Variants in GRID2 observed in about 807,000 individuals in gnomAD.
The protein encoded by GRID2 is glutamate receptor ionotropic, delta-2.
A neutral mutation model predicts 114.8 loss-of-function variants in GRID2; 33 were observed. The observed-to-expected ratio is 0.29, with a 90% confidence interval of 0.22 to 0.38. The LOEUF (loss-of-function observed/expected upper bound fraction) is 0.38. Among genes scored for constraint, GRID2 ranks in the 10% least tolerant of loss-of-function variants. The probability of loss-of-function intolerance (pLI) is 1.00; values close to 1 mark genes in which losing one functional copy is unlikely to be tolerated. For synonymous variants in GRID2, 505 were observed against 449.9 expected (o/e 1.12, Z -1.55); for missense variants, 1,184 against 1,257.7 (o/e 0.94, Z 0.89).
At chr4:92,640,508 CAATT>C (rs1553911127) in intron 2 of GRID2, among the ~76,000 whole-genome samples, 1 of 151,716 alleles carries the variant, frequency 6.6e-6, no homozygotes, top group South Asian at 2.1e-4. Flanking sequence ...AGTTTGGAAA[CAATT>C]AACAGCTAAA....
At chr4:92,728,428 T>A (rs1173880904) in intron 2 of GRID2, among the ~76,000 whole-genome samples, 1 of 152,080 alleles carries the variant, frequency 6.6e-6, no homozygotes, top group Non-Finnish European at 1.5e-5. Context: ...AAATTGGAGA[T>A]CTACTTGTAA....
At chr4:93,567,792 C>G (rs529882975) in intron 13 of GRID2, among the ~76,000 whole-genome samples, 1 of 152,256 alleles carries the variant, frequency 6.6e-6, no homozygotes, top group East Asian at 1.9e-4. Context: ...CTGCCATGCT[C>G]CCAGCCTTGT....
In GRID2 at chr4:93,179,264, G is replaced by T. The variant is rs532241764; in HGVS notation, c.736-28140G>T. ...GGACAGCACAGCAATTGCAGCCAGG[G>T]TAGATGGGAGTGAAAGCTAGTATAT... On this transcript the variant is annotated intron_variant, in intron 4 of 15. Transcript: ENST00000282020. 2.0e-5 allele frequency among the ~76,000 whole-genome samples: 3 copies of T among 152,286 alleles called. No individual in the cohort carries two copies. The South Asian group carries it at 6.2e-4, about 32-fold the overall frequency.
At chr4:93,365,145 A>G (rs1762220365) in intron 8 of GRID2, among the ~76,000 whole-genome samples, 1 of 152,168 alleles carries the variant, frequency 6.6e-6, no homozygotes, top group Non-Finnish European at 1.5e-5. Flanking sequence ...TATTGAATGC[A>G]GCCAGAATTT....
chr4:93,718,295 A>G (rs1473706337), intron 14 of GRID2, among the ~76,000 whole-genome samples: 1 of 152,232 alleles, frequency 6.6e-6, no homozygotes, highest in African/African-American at 2.4e-5. Context: ...GACATGAGGA[A>G]GGAAGAGACA....
At chr4:93,373,032 A>T (rs898512694) in intron 8 of GRID2, among the ~76,000 whole-genome samples, 1 of 152,120 alleles carries the variant, frequency 6.6e-6, no homozygotes, top group Non-Finnish European at 1.5e-5. Context: ...GTTCACTTTA[A>T]AAGTCTCAGT....
chr4:93,306,819 C>T (rs6813949), intron 8 of GRID2, among the ~76,000 whole-genome samples: 22,209 of 152,088 alleles, frequency 0.15, 2,273 homozygotes, highest in East Asian at 0.28. Flanking sequence ...GTGATTGTTT[C>T]CAAACCAATG....
intron 14 of GRID2, among the ~76,000 whole-genome samples, chr4:93,661,527 C>T (rs935917741): frequency 2.6e-5 from 4 of 152,104 alleles, no homozygotes; most frequent in African/African-American, 9.7e-5. Context: ...AATTATAGTG[C>T]TGTTGCCATG....
chr4:93,720,124 G>T (rs1049694937), intron 14 of GRID2, among the ~76,000 whole-genome samples: 2 of 152,062 alleles, frequency 1.3e-5, no homozygotes, highest in African/African-American at 4.8e-5. Context: ...TCCAATAGTT[G>T]GTTTGGAGAG....
chr4:93,299,168 A>G (rs549844351), intron 8 of GRID2, among the ~76,000 whole-genome samples: 5 of 152,270 alleles, frequency 3.3e-5, no homozygotes, highest in African/African-American at 1.2e-4. Flanking sequence ...ACAACTTTCA[A>G]TCAGTCGTGG....
At chr4:93,195,666 A>C (rs2149452626) in intron 4 of GRID2, among the ~76,000 whole-genome samples, 1 of 152,264 alleles carries the variant, frequency 6.6e-6, no homozygotes, top group South Asian at 2.1e-4. Context: ...TATACAGAAA[A>C]AGAATGAGGG....
intron 2 of GRID2, among the ~76,000 whole-genome samples, chr4:92,864,561 G>A (rs1350265573): frequency 1.3e-5 from 2 of 152,148 alleles, no homozygotes; most frequent in Non-Finnish European, 2.9e-5. Context: ...ACAAGCAAAA[G>A]CACATTTATA....
chr4:92,900,369 T>C (rs1489892523), intron 2 of GRID2, among the ~76,000 whole-genome samples: 1 of 152,220 alleles, frequency 6.6e-6, no homozygotes. Context: ...ATCAGAACTG[T>C]ATACATTGTA....
chr4:92,380,953 A>G (rs915079389), intron 1 of GRID2, among the ~76,000 whole-genome samples: 1 of 152,038 alleles, frequency 6.6e-6, no homozygotes, highest in African/African-American at 2.4e-5. Context: ...TTACTAAATA[A>G]TATACTTTGC....
chr4:92,318,638 C>T, intron 1 of GRID2, among the ~76,000 whole-genome samples: 1 of 151,088 alleles, frequency 6.6e-6, no homozygotes. Context: ...CCTCAGCCTC[C>T]CTAATGTTTG....
At chr4:93,407,723 T>TCTCCTCCTCCTCCTCCTC (rs1190711082) in intron 9 of GRID2, among the ~76,000 whole-genome samples, 1 of 64,252 alleles carries the variant, frequency 1.6e-5, no homozygotes, top group Admixed American at 1.8e-4. Context: ...TCCTCCTCCT[T>TCTCCTCCTCCTCCTCCTC]CTCCTCCTCC....
intron 1 of GRID2, among the ~76,000 whole-genome samples, chr4:92,368,123 C>A (rs1257485712): frequency 6.6e-6 from 1 of 151,954 alleles, no homozygotes; most frequent in South Asian, 2.1e-4. Flanking sequence ...AGTATGGGTG[C>A]GGGTCTCAGA....
intron 2 of GRID2, among the ~76,000 whole-genome samples, chr4:92,859,608 C>T (rs1031662106): frequency 3.9e-5 from 6 of 151,936 alleles, no homozygotes; most frequent in African/African-American, 1.5e-4. Flanking sequence ...ATTATATTTC[C>T]AGATTCACCT....
chr4:92,822,178 C>T (rs1037082810), intron 2 of GRID2: 7 of 421,634 alleles, frequency 1.7e-5, no homozygotes, highest in Admixed American at 5.5e-5. Flanking sequence ...CCTGTGGTAG[C>T]GCAGAACCAG....
Sources: allele counts gnomAD v4.1 joint callset (sites outside exome capture counted in the v4.1 genomes callset), GRCh38; gene constraint gnomAD v4.1.1; transcripts MANE v1.5; gene names NCBI Gene and HGNC (gene_info 2026-07-23, HGNC 2026-07-21).